GCNT4: variants seen among roughly 807,000 people sequenced by gnomAD.
The protein encoded by GCNT4 is beta-1,3-galactosyl-O-glycosyl-glycoprotein beta-1,6-N-acetylglucosaminyltransferase 4.
A neutral mutation model predicts 31.3 loss-of-function variants in GCNT4; 17 were observed. The observed-to-expected ratio is 0.54, with a 90% confidence interval of 0.37 to 0.81. The LOEUF (loss-of-function observed/expected upper bound fraction) is 0.81, where lower values mean the gene tolerates loss of function less well. Among genes scored for constraint, GCNT4 ranks in the 40% least tolerant of loss-of-function variants. The pLI, the probability that GCNT4 is intolerant of heterozygous loss-of-function variation, is 0.00. For synonymous variants in GCNT4, 158 were observed against 190.6 expected (o/e 0.83, Z 1.41); for missense variants, 503 against 525.5 (o/e 0.96, Z 0.42).
At position 75,028,872 on chromosome 5, in the gene GCNT4, C is replaced by A; in HGVS notation, c.1166G>T (p.Ser389Ile). The A allele has an allele frequency of 6.2e-7, 1 of 1,614,044 alleles. No homozygotes were observed. The highest frequency in any genetic ancestry group is 8.5e-7 in the Non-Finnish European group (1 of 1,180,000). Reference sequence around the variant, plus strand: ...TTCTGCAGCTCCATAAATACACACGCTTCGAAGGTGAGATCCAGTACAACT... The same window carrying A: ...TTCTGCAGCTCCATAAATACACACGATTCGAAGGTGAGATCCAGTACAACT... ...YPSCTGSHLRSVCIYGAAELR... is the reference protein window; with the variant it reads ...YPSCTGSHLRIVCIYGAAELR... The change falls in exon 4 of 4, where the codon AGC becomes ATC. Residue 389 changes from serine (S) to isoleucine (I), a missense_variant. Ser to Ile is a moderately radical substitution (Grantham distance 142). Coordinates refer to ENST00000652361, the MANE Select transcript of GCNT4 (RefSeq NM_001366737.1).
chr5:75,037,503 G>T (rs1304988154), intron 3 of GCNT4, among the ~76,000 whole-genome samples: 5 of 152,208 alleles, frequency 3.3e-5, no homozygotes, highest in Non-Finnish European at 7.3e-5. Flanking sequence ...TTGAGGACAA[G>T]CATTTCTCAA....
chr5:75,043,544 TTTC>T lies in GCNT4; in HGVS notation c.-2+4350_-2+4352del, dbSNP rs368165087. 6.4e-4 allele frequency among the ~76,000 whole-genome samples: 97 copies of T among 152,300 alleles called. 1 individual carries two copies. The South Asian group carries it at 0.019, about 31-fold the overall frequency. ...GGAGGTACGCCATTTTGTTCTTTCT[TTTC>T]TTCTTCTTCCACTTTTCTGCCTGGA... is the stretch of plus-strand genomic sequence containing the variant. On this transcript the variant is annotated intron_variant, in intron 3 of 3. Transcript: ENST00000652361.
chr5:75,028,747 G>A lies in GCNT4; in HGVS notation c.1291C>T (p.Gln431Ter). Residue 431 changes from glutamine to a stop codon, truncating the protein, a stop_gained, in exon 4 of 4, where the codon CAG (glutamine) becomes TAG (stop). Coordinates refer to ENST00000652361, the MANE Select transcript of GCNT4 (RefSeq NM_001366737.1). LOFTEE classifies it high-confidence loss of function. ...IKCLAEKLEE[Q>*]QRDWITLPSE... The stretch of plus-strand genomic sequence containing the variant: ...GGCAAAGTGATCCAGTCTCTCTGCT[G>A]TTCTTCAAGCTTTTCTGCCAAGCAT... 1 of 1,613,944 alleles carries A rather than the reference G, an allele frequency of 6.2e-7. No homozygotes were observed. Among genetic ancestry groups the A allele is most frequent in the Non-Finnish European group, 8.5e-7 (1 of 1,179,932 alleles).
At position 75,029,694 on chromosome 5, in the gene GCNT4, G is replaced by C. The variant is rs770451145; in HGVS notation, c.344C>G (p.Thr115Ser). 2.2e-5 allele frequency: 36 copies of C among 1,614,098 alleles called. No homozygotes were observed. The Middle Eastern group carries it at 4.9e-4, about 22-fold the overall frequency. ...AMTSDCDIYQTLRGYAQKLVS... is the reference protein window; with the variant it reads ...AMTSDCDIYQSLRGYAQKLVS... ...AAGCTTTTGAGCATAACCTCTTAGA[G>C]TCTGATAAATGTCACAATCACTGGT... The change falls in exon 4 of 4, where the codon ACT becomes AGT. Residue 115 changes from threonine to serine, a missense_variant. Thr to Ser is a moderately conservative substitution (Grantham distance 58). Transcript: ENST00000652361.
chr5:75,042,200 C>T (rs1431693485), intron 3 of GCNT4, among the ~76,000 whole-genome samples: 1 of 152,116 alleles, frequency 6.6e-6, no homozygotes, highest in East Asian at 1.9e-4. Flanking sequence ...CAACATAAAG[C>T]CAAACTACAT....
chr5:75,020,943 CTG>C (rs1742874470), downstream of GCNT4, among the ~76,000 whole-genome samples: 1 of 151,236 alleles, frequency 6.6e-6, no homozygotes, highest in Non-Finnish European at 1.5e-5. Flanking sequence ...TTCTCTCTCT[CTG>C]TTTGTGTTTG....
At chr5:75,049,681 C>T (rs1743523404) in intron 2 of GCNT4, among the ~76,000 whole-genome samples, 1 of 152,218 alleles carries the variant, frequency 6.6e-6, no homozygotes, top group Admixed American at 6.5e-5. Flanking sequence ...TGCTTTGCTT[C>T]ACTACACTCT....
rs537788131 is a variant in GCNT4 at position 75,028,259 on chromosome 5, G to C, written c.*417C>G. 1 of 167,332 alleles carries C rather than the reference G, an allele frequency of 6.0e-6. No homozygotes were observed. The highest frequency in any genetic ancestry group is 2.4e-5 in the African/African-American group (1 of 41,722). The allele number at this position is 167,332 out of a possible 1,614,324, so 10.4% of individuals were successfully genotyped here. A position where few individuals can be genotyped will look rare whatever the true frequency, so the allele number is the denominator to read the frequency against. ...AGTACTTAAACACTACTCTGAAATG[G>C]GTGGTTTATATGATCAGACGATTAC... On this transcript the variant is annotated 3_prime_UTR_variant, in exon 4 of 4. Transcript: ENST00000652361.
chr5:75,053,057 G>A (rs1017317387), upstream of GCNT4, among the ~76,000 whole-genome samples: 5 of 151,938 alleles, frequency 3.3e-5, no homozygotes, highest in East Asian at 3.9e-4. Flanking sequence ...CGCGAGCCCA[G>A]GAAGCCGGCT....
the GCNT4 span, among the ~76,000 whole-genome samples, chr5:75,020,303 C>T: frequency 3.9e-5 from 6 of 152,306 alleles, no homozygotes; most frequent in African/African-American, 1.2e-4. Flanking sequence ...GCACAGCTTG[C>T]GTGCTGCTGC....
chr5:75,038,642 G>A (rs1363023091), intron 3 of GCNT4, among the ~76,000 whole-genome samples: 1 of 152,192 alleles, frequency 6.6e-6, no homozygotes, highest in African/African-American at 2.4e-5. Context: ...ATGGCAAAGG[G>A]CAGACGGGCA....
At chr5:75,039,817 CA>C (rs1743279923) in intron 3 of GCNT4, among the ~76,000 whole-genome samples, 1 of 152,162 alleles carries the variant, frequency 6.6e-6, no homozygotes, top group African/African-American at 2.4e-5. Context: ...GTACTGTAGC[CA>C]AAATGATTTT....
chr5:75,042,283 A>C (rs559829007), intron 3 of GCNT4, among the ~76,000 whole-genome samples: 8 of 152,324 alleles, frequency 5.3e-5, no homozygotes, highest in African/African-American at 1.9e-4. Flanking sequence ...AAGTAGAAAA[A>C]CTGAATTGAA....
the GCNT4 span, among the ~76,000 whole-genome samples, chr5:75,019,006 A>C: frequency 6.6e-6 from 1 of 152,092 alleles, no homozygotes; most frequent in East Asian, 1.9e-4. Context: ...TTACTTTTAT[A>C]AGCTCCTTTC....
At chr5:75,045,207 G>C (rs936922501) in intron 3 of GCNT4, among the ~76,000 whole-genome samples, 1 of 152,010 alleles carries the variant, frequency 6.6e-6, no homozygotes, top group African/African-American at 2.4e-5. Context: ...TCATATTGTA[G>C]TGCAACCATC....
At chr5:75,037,246 T>C (rs550199873) in intron 3 of GCNT4, among the ~76,000 whole-genome samples, 2 of 152,244 alleles carry the variant, frequency 1.3e-5, no homozygotes, top group East Asian at 3.9e-4. Flanking sequence ...GCCCAGGGGA[T>C]GTTCTGGAGT....
rs6881934 is a variant in GCNT4 at position 75,049,451 on chromosome 5, C to T, written c.-142-1414G>A. Among the ~76,000 whole-genome samples the T allele has an allele frequency of 6.3e-3, 954 of 152,324 alleles. 8 individuals carry two copies. Among genetic ancestry groups the T allele is most frequent in the African/African-American group, 0.021 (872 of 41,578 alleles). On this transcript the variant is annotated intron_variant, in intron 2 of 3. Coordinates refer to ENST00000652361, the MANE Select transcript of GCNT4 (RefSeq NM_001366737.1). ...CTCCAAATGCCCACACTGAGCCCAC[C>T]ATCCCCAGAGATCTATTAGGATGGA... is the stretch of plus-strand genomic sequence containing the variant.
chr5:75,046,864 C>T (rs1005158218), intron 3 of GCNT4, among the ~76,000 whole-genome samples: 10 of 152,246 alleles, frequency 6.6e-5, no homozygotes, highest in African/African-American at 2.4e-4. Flanking sequence ...CAAGACCATT[C>T]TGCCCTTCGT....
chr5:75,029,573 G>T lies in GCNT4; in HGVS notation c.465C>A (p.Asn155Lys), dbSNP rs1461833828. Residue 155 changes from asparagine (N) to lysine (K), a missense_variant, in exon 4 of 4, where the codon AAC becomes AAA. Transcript: ENST00000652361. ...MVERLIHAIYNQHNIYCIHYD... is the reference protein window; with the variant it reads ...MVERLIHAIYKQHNIYCIHYD... ...AATGGATGCAGTAAATATTGTGCTG[G>T]TTGTATATAGCATGGATAAGCCTTT... is the stretch of plus-strand genomic sequence containing the variant. 6 of 1,613,990 alleles carry T rather than the reference G, an allele frequency of 3.7e-6. No homozygotes were observed. Among genetic ancestry groups the T allele is most frequent in the Non-Finnish European group, 5.1e-6 (6 of 1,180,028 alleles).
Sources: allele counts gnomAD v4.1 joint callset (sites outside exome capture counted in the v4.1 genomes callset), GRCh38; gene constraint gnomAD v4.1.1; transcripts MANE v1.5; gene names NCBI Gene and HGNC (gene_info 2026-07-23, HGNC 2026-07-21).